The following IPO7 variants were observed in gnomAD, a reference collection of about 807,000 sequenced individuals.
The protein encoded by IPO7 is importin 7.
In IPO7, 13 loss-of-function variants were observed where a neutral mutation model predicts 136.4. The ratio of observed to expected loss-of-function variants is 0.10; its 90% CI spans 0.06 to 0.15. IPO7 has a LOEUF of 0.15. Among genes scored for constraint, IPO7 ranks in the 10% least tolerant of loss-of-function variants. IPO7 has a pLI of 1.00. For synonymous variants in IPO7, 403 were observed against 404.4 expected, an observed-to-expected ratio of 1.00 and a Z score of 0.04; for missense variants, 857 against 1,240.6, an observed-to-expected ratio of 0.69 and a Z score of 4.65.
At chr11:9,389,989 G>C (rs1450146360) in intron 1 of IPO7, among the ~76,000 whole-genome samples, 2 of 152,028 alleles carry the variant, frequency 1.3e-5, no homozygotes, top group Non-Finnish European at 2.9e-5. Context: ...ACTCCTCACT[G>C]CAGGTGATTG....
intron 6 of IPO7, among the ~76,000 whole-genome samples, chr11:9,419,802 A>C (rs967928248): frequency 6.6e-6 from 1 of 152,000 alleles, no homozygotes; most frequent in African/African-American, 2.4e-5. Context: ...AGATTTCTGA[A>C]ATGGAGTTTC....
At position 9,430,907 on chromosome 11, in the gene IPO7, G is replaced by T; in HGVS notation, c.1785G>T (p.Gly595=). 2 of 1,611,802 alleles carry T rather than the reference G, an allele frequency of 1.2e-6. No individual in the cohort carries two copies. Among genetic ancestry groups the T allele is most frequent in the Non-Finnish European group, 1.7e-6 (2 of 1,178,888 alleles). ...CATTTAACCAAGTAATCCAGACGGG[G>T]CCAGATGAAGAAGGTAGTGATGACA... ...AMTFNQVIQT[G]PDEEGSDDKA... Residue 595 remains glycine, a synonymous_variant, in exon 16 of 25, where the codon GGG becomes GGT. Transcript: ENST00000379719.
intron 2 of IPO7, among the ~76,000 whole-genome samples, chr11:9,407,028 A>G (rs1854898443): frequency 1.3e-5 from 2 of 152,196 alleles, no homozygotes; most frequent in Admixed American, 1.3e-4. Flanking sequence ...TGAGATCCTT[A>G]CAGTGCAATT....
rs1002811596 is a variant in IPO7, at chr11:9,446,294, A to C, written c.*1100A>C. ...ATTTTTCCTCATTGGCCTGTTTTTA[A>C]TCCTGTGCCTAGAAGGAGTACAAAA... On this transcript the variant is annotated 3_prime_UTR_variant, in exon 25 of 25. Transcript: ENST00000379719. 3 of 152,166 alleles carry C rather than the reference A, an allele frequency of 2.0e-5. No homozygotes were observed. The highest frequency in any genetic ancestry group is 7.2e-5 in the African/African-American group (3 of 41,418). The allele number at this position is 152,166 out of a possible 1,614,324, so 9.4% of individuals were successfully genotyped here.
At chr11:9,438,354 C>T (rs868838977) in intron 22 of IPO7, 69 bp downstream of exon 22, 3 of 986,108 alleles carry the variant, frequency 3.0e-6, no homozygotes, top group South Asian at 2.7e-5. Context: ...GGGCCGGGCG[C>T]AGTGGCTCAG....
chr11:9,444,711 T>C (rs1855504280), intron 24 of IPO7, among the ~76,000 whole-genome samples: 1 of 151,886 alleles, frequency 6.6e-6, no homozygotes, highest in Admixed American at 6.6e-5. Context: ...GGCACGCACT[T>C]GTAGTCCCAG....
At position 9,440,447 on chromosome 11, in the gene IPO7, C is replaced by T; in HGVS notation, c.2696-8C>T. ...TGTTATAAAAGTACTTATATTATGA[C>T]TTGGCAGAGGAACTGGGGAGTGATG... On this transcript the variant is annotated splice_polypyrimidine_tract_variant and splice_region_variant and intron_variant, in intron 22 of 24. Transcript: ENST00000379719. 1 of 1,607,458 alleles carries T rather than the reference C, an allele frequency of 6.2e-7. No homozygotes were observed.
chr11:9,396,115 G>A (rs1177117876), intron 1 of IPO7, among the ~76,000 whole-genome samples: 1 of 151,938 alleles, frequency 6.6e-6, no homozygotes, highest in Non-Finnish European at 1.5e-5. Flanking sequence ...TGAGTGTTGG[G>A]CCGGGCGTGG....
chr11:9,418,797 C>T (rs1181677369), intron 6 of IPO7, among the ~76,000 whole-genome samples: 2 of 152,192 alleles, frequency 1.3e-5, no homozygotes, highest in Non-Finnish European at 2.9e-5. Context: ...AATGTTTGCT[C>T]ATGGCTGGTT....
At chr11:9,412,651 CCCCT>C (rs1298936188) in intron 4 of IPO7, among the ~76,000 whole-genome samples, 7 of 151,926 alleles carry the variant, frequency 4.6e-5, no homozygotes, top group Non-Finnish European at 7.4e-5. Flanking sequence ...CCCCGTCTCT[CCCCT>C]ACTCTCTACA....
chr11:9,385,199 G>A (rs1854534929), intron 1 of IPO7, among the ~76,000 whole-genome samples: 1 of 152,196 alleles, frequency 6.6e-6, no homozygotes, highest in African/African-American at 2.4e-5. Flanking sequence ...CCAGGAGGGG[G>A]CGAAACTTAC....
rs538788953 is a variant in IPO7, at chr11:9,400,514, G to A, written c.85-2776G>A. Among the ~76,000 whole-genome samples the A allele has an allele frequency of 6.6e-5, 10 of 151,850 alleles. No homozygotes were observed. The East Asian group carries it at 7.8e-4, about 12-fold the overall frequency. On this transcript the variant is annotated intron_variant, in intron 1 of 24. Coordinates refer to ENST00000379719, the MANE Select transcript of IPO7 (RefSeq NM_006391.3). ...TCGGCTCACTGCAGGCTCCGCCCCC[G>A]GGGTTCACACCATTCTCCTGCCTCA...
In IPO7 at chr11:9,384,742, GT is replaced by G. The variant is rs775702123; in HGVS notation, c.-19del. Reference sequence around the variant, plus strand: ...TGGCCCAGTAGCACCCGAGCCCCGGGTTTGACCGAGTCCGCGCTGCGATGGA... The same window carrying G: ...TGGCCCAGTAGCACCCGAGCCCCGGGTTGACCGAGTCCGCGCTGCGATGGA... On this transcript the variant is annotated 5_prime_UTR_variant, in exon 1 of 25. It removes the in-frame stop codon of an upstream open reading frame in the 5' UTR. Transcript: ENST00000379719. 1 of 1,577,130 alleles carries G rather than the reference GT, an allele frequency of 6.3e-7. No individual in the cohort carries two copies. The highest frequency in any genetic ancestry group is 1.8e-5 in the Admixed American group (1 of 56,186).
chr11:9,407,014 A>T (rs1854898191), intron 2 of IPO7, among the ~76,000 whole-genome samples: 1 of 152,260 alleles, frequency 6.6e-6, no homozygotes, highest in East Asian at 1.9e-4. Flanking sequence ...AGTAGACTGA[A>T]TCATGAGATC....
At chr11:9,425,359 A>C (rs1438322485) in intron 12 of IPO7, 97 bp downstream of exon 12, 1 of 758,546 alleles carries the variant, frequency 1.3e-6, no homozygotes, top group South Asian at 1.5e-5. Flanking sequence ...TAATCCCAGC[A>C]CTTTCGGGAT....
intron 19 of IPO7, among the ~76,000 whole-genome samples, 173 bp downstream of exon 19, chr11:9,435,204 AAT>A (rs1729699230): frequency 6.6e-6 from 1 of 152,178 alleles, no homozygotes; most frequent in South Asian, 2.1e-4. Flanking sequence ...AGTTTTGATA[AAT>A]ATATGTCTTT....
intron 8 of IPO7, among the ~76,000 whole-genome samples, chr11:9,422,793 A>G (rs1317482652): frequency 6.6e-6 from 1 of 152,158 alleles, no homozygotes; most frequent in Non-Finnish European, 1.5e-5. Context: ...AACAACAACA[A>G]CAAAAAAAAC....
chr11:9,434,934 A>G lies in IPO7; in HGVS notation c.2075A>G (p.Asp692Gly). 1 of 1,554,692 alleles carries G rather than the reference A, an allele frequency of 6.4e-7. No individual in the cohort carries two copies. ...TAACCGATGTTTTTTATTAATACAG[A>G]TATGATGCCCCTCCTTCATAATTAT... ...FQQDGFDYFT[D>G]MMPLLHNYVT... Residue 692 changes from aspartate to glycine, a missense_variant and splice_region_variant, in exon 19 of 25, where the codon GAT becomes GGT. Physicochemically the swap from Asp to Gly is moderately conservative, Grantham distance 94. Transcript: ENST00000379719.
intron 4 of IPO7, among the ~76,000 whole-genome samples, chr11:9,411,643 A>AT (rs575422527): frequency 4.0e-5 from 6 of 151,718 alleles, no homozygotes; most frequent in African/African-American, 1.5e-4. Flanking sequence ...AACCACTGAA[A>AT]TTTTTTTTTA....
Sources: gnomAD v4.1 joint callset for allele counts (sites outside exome capture counted in the v4.1 genomes callset) on GRCh38, gnomAD v4.1.1 for gene constraint, MANE v1.5 for transcripts, NCBI Gene and HGNC (gene_info 2026-07-23, HGNC 2026-07-21) for gene names.